PCDHA8: variants seen among roughly 807,000 people sequenced by gnomAD.
PCDHA8 encodes the protein protocadherin alpha 8, also known as protocadherin alpha-8.
A neutral mutation model predicts 61.8 loss-of-function variants in PCDHA8; 53 were observed. That is an observed-to-expected ratio of 0.86 (90% CI 0.69 to 1.08). The LOEUF is 1.08. PCDHA8 is among the 50% of genes least tolerant of loss of function. PCDHA8 has a pLI of 0.00. For missense variants in PCDHA8, 1,293 were observed against 1,245.0 expected, an observed-to-expected ratio of 1.04 and a Z score of -0.58; for synonymous variants, 618 against 556.6, an observed-to-expected ratio of 1.11 and a Z score of -1.55.
chr5:140,929,164 GC>G (rs781931769), intron 1 of PCDHA8: 2 of 1,614,150 alleles, frequency 1.2e-6, no homozygotes, highest in Non-Finnish European at 1.7e-6. Context: ...TCTCTATCGG[GC>G]CTCTCTGGGA....
At chr5:140,858,318 G>T in intron 1 of PCDHA8, 1 of 1,597,070 alleles carries the variant, frequency 6.3e-7, no homozygotes, top group Non-Finnish European at 8.6e-7. Context: ...CAGAGGGTGT[G>T]TTCTGGGGAG....
rs369720251 is a variant in PCDHA8 at position 140,883,769 on chromosome 5, G to A, written c.2394+40054G>A. 9.3e-6 allele frequency: 15 copies of A among 1,612,378 alleles called. No homozygotes were observed. The South Asian group carries it at 1.2e-4, about 13-fold the overall frequency. On this transcript the variant is annotated intron_variant, in intron 1 of 3. Transcript: ENST00000531613. ...CTCGCTGGTGGAGCGGCGGGTGGGC[G>A]AGCGTGCGCTGTCGAGCTACGTGTC...
In PCDHA8 at chr5:140,856,749, C is replaced by T. The variant is rs146132566; in HGVS notation, c.2394+13034C>T. The T allele has an allele frequency of 1.3e-4, 214 of 1,595,860 alleles. 19 individuals carry two copies. In the Middle Eastern group the frequency reaches 4.3e-3, roughly 32 times the overall value. On this transcript the variant is annotated intron_variant, in intron 1 of 3. Transcript: ENST00000531613. ...TCTCTGCTGATCCTGGTGTTAGATGCCAATGATAACGCCCCTATCTTTGAC... is the reference window on the plus strand; with the variant it reads ...TCTCTGCTGATCCTGGTGTTAGATGTCAATGATAACGCCCCTATCTTTGAC...
Position 140,908,881 on chromosome 5 carries a change from A to G in PCDHA8, c.2394+65166A>G, listed in dbSNP as rs77004912. Among the ~76,000 whole-genome samples, 1,225 of 152,366 alleles carry G rather than the reference A, an allele frequency of 8.0e-3. 6 individuals carry two copies. The highest frequency in any genetic ancestry group is 0.019 in the African/African-American group (790 of 41,588). Reference sequence around the variant, plus strand: ...AGGAATGTGTTGCCTCCAAAATCCAATAGTCCCAAATAAGCCTCTTTCGTG... The same window carrying G: ...AGGAATGTGTTGCCTCCAAAATCCAGTAGTCCCAAATAAGCCTCTTTCGTG... On this transcript the variant is annotated intron_variant, in intron 1 of 3. Transcript: ENST00000531613.
chr5:140,926,469 C>A (rs558686220), intron 1 of PCDHA8: 1 of 162,452 alleles, frequency 6.2e-6, no homozygotes, highest in Admixed American at 6.4e-5. Context: ...TAGAAAACAC[C>A]GTTTAAGGAG....
In PCDHA8 at chr5:140,843,731, T is replaced by C. The variant is rs1331325301; in HGVS notation, c.2394+16T>C. 3.9e-6 allele frequency: 6 copies of C among 1,551,218 alleles called. 1 individual carries two copies. The highest frequency in any genetic ancestry group is 5.3e-6 in the Non-Finnish European group (6 of 1,131,064). On this transcript the variant is annotated intron_variant, in intron 1 of 3. Transcript: ENST00000531613. ...TGGCCTCAAAGTAAGTCCATTTAAA[T>C]TTAGAACTCATAAATTCTATTTGTG...
At chr5:140,926,775 G>A (rs1563083910) in intron 1 of PCDHA8, 7 of 1,391,106 alleles carry the variant, frequency 5.0e-6, no homozygotes, top group East Asian at 2.6e-5. Context: ...GCCCGCAGCA[G>A]TGACGGCCGG....
intron 1 of PCDHA8, among the ~76,000 whole-genome samples, chr5:140,958,658 A>T (rs1207660771): frequency 6.6e-6 from 1 of 152,174 alleles, no homozygotes; most frequent in African/African-American, 2.4e-5. Flanking sequence ...GAAAGCTATG[A>T]TGAAATTTTA....
rs868946985 is a variant in PCDHA8, at chr5:140,985,825, T to C, written c.2542+3262T>C. ...CACGATCTCAGCTCACAACAAGCTC[T>C]GCCTCCCGGGTTCATGCCACTCTCC... On this transcript the variant is annotated intron_variant, in intron 3 of 3. Transcript: ENST00000531613. 4.1e-4 allele frequency among the ~76,000 whole-genome samples: 61 copies of C among 148,858 alleles called. 1 individual carries two copies. The highest frequency in any genetic ancestry group is 2.7e-4 in the Admixed American group (4 of 14,688).
chr5:140,993,460 TCTCA>T (rs200310897), intron 3 of PCDHA8, among the ~76,000 whole-genome samples: 2,027 of 104,544 alleles, frequency 0.019, 23 homozygotes, highest in Admixed American at 0.035. Flanking sequence ...CTTCTTTCTT[TCTCA>T]CACACACACA....
chr5:140,862,711 G>T, intron 1 of PCDHA8: 2 of 561,474 alleles, frequency 3.6e-6, no homozygotes, highest in Admixed American at 3.8e-5. Flanking sequence ...ACAGCGGGTG[G>T]GCGAGTGCGC....
intron 1 of PCDHA8, chr5:140,868,232 C>T (rs1176693366): frequency 6.6e-6 from 1 of 152,032 alleles, no homozygotes; most frequent in Non-Finnish European, 1.5e-5. Flanking sequence ...AAAAACTCAT[C>T]TAGATCAATA....
intron 1 of PCDHA8, chr5:140,926,753 G>C (rs1431209513): frequency 3.5e-5 from 44 of 1,268,526 alleles, no homozygotes; most frequent in Non-Finnish European, 4.4e-5. Context: ...GTCGGCGGTC[G>C]CTGAGTATCC....
chr5:141,007,395 C>CAAAAAAA (rs35800918), intron 3 of PCDHA8, among the ~76,000 whole-genome samples: 1,149 of 94,062 alleles, frequency 0.012, no homozygotes, highest in African/African-American at 0.016. Flanking sequence ...TACTAAAATA[C>CAAAAAAA]AAAAAAAAAA....
chr5:140,990,304 A>C (rs114506238), intron 3 of PCDHA8, among the ~76,000 whole-genome samples: 1 of 152,168 alleles, frequency 6.6e-6, no homozygotes, highest in African/African-American at 2.4e-5. Context: ...CATTGTCTGT[A>C]AAAAACCAAC....
At chr5:140,881,085 A>G (rs1554171740) in intron 1 of PCDHA8, among the ~76,000 whole-genome samples, 1 of 152,156 alleles carries the variant, frequency 6.6e-6, no homozygotes, top group East Asian at 1.9e-4. Flanking sequence ...GCTATGATAT[A>G]TTTTTCATTA....
intron 1 of PCDHA8, chr5:140,869,588 T>C (rs1404476349): frequency 3.7e-6 from 6 of 1,614,114 alleles, no homozygotes; most frequent in East Asian, 2.2e-5. Context: ...GATGCTGACA[T>C]TGAAGAGAAT....
rs546789240 is a variant in PCDHA8 at position 140,938,168 on chromosome 5, G to A, written c.2395-40781G>A. Among the ~76,000 whole-genome samples, 6 of 152,184 alleles carry A rather than the reference G, an allele frequency of 3.9e-5. No homozygotes were observed. The South Asian group carries it at 1.2e-3, about 32-fold the overall frequency. Reference sequence around the variant, plus strand: ...ACTACATTGCCCAGGCTAGTCTGGAGCTCCTGGGCTCAAGCAATCCTCCCA... The same window carrying A: ...ACTACATTGCCCAGGCTAGTCTGGAACTCCTGGGCTCAAGCAATCCTCCCA... On this transcript the variant is annotated intron_variant, in intron 1 of 3. Coordinates refer to ENST00000531613, the MANE Select transcript of PCDHA8 (RefSeq NM_018911.3).
chr5:140,881,310 G>A (rs782291557), intron 1 of PCDHA8: 31 of 977,830 alleles, frequency 3.2e-5, no homozygotes, highest in Non-Finnish European at 3.6e-5. Flanking sequence ...TAACCTCCTG[G>A]TTAAATTCTA....
Sources: gnomAD v4.1 joint callset for allele counts (sites outside exome capture counted in the v4.1 genomes callset) on GRCh38, gnomAD v4.1.1 for gene constraint, MANE v1.5 for transcripts, NCBI Gene and HGNC (gene_info 2026-07-23, HGNC 2026-07-21) for gene names.